The following SLC9A9 variants were observed in gnomAD, a reference collection of about 807,000 sequenced individuals.
SLC9A9 encodes the protein sodium/hydrogen exchanger 9.
In SLC9A9, 62 loss-of-function variants were observed where a neutral mutation model predicts 77.8. The observed-to-expected ratio is 0.80, with a 90% CI of 0.65 to 0.98. The LOEUF (loss-of-function observed/expected upper bound fraction) is 0.98, where lower values mean the gene tolerates loss of function less well. Among genes scored for constraint, SLC9A9 ranks in the 50% least tolerant of loss-of-function variants. The pLI is 0.00. For synonymous variants in SLC9A9, 320 were observed against 283.5 expected (o/e 1.13, Z -1.29); for missense variants, 775 against 774.9 (o/e 1.00, Z 0.00).
chr3:143,424,470 G>T (rs965039896), intron 12 of SLC9A9, among the ~76,000 whole-genome samples: 2 of 151,722 alleles, frequency 1.3e-5, no homozygotes, highest in African/African-American at 4.8e-5. Context: ...GTAGAGACGG[G>T]GTTTCACTGT....
At chr3:143,698,934 G>A (rs1933718328) in intron 4 of SLC9A9, among the ~76,000 whole-genome samples, 1 of 152,214 alleles carries the variant, frequency 6.6e-6, no homozygotes, top group African/African-American at 2.4e-5. Context: ...TGTGCTGGAA[G>A]CAACATGAAA....
intron 4 of SLC9A9, among the ~76,000 whole-genome samples, chr3:143,768,184 C>T (rs80058431): frequency 0.032 from 4,863 of 152,160 alleles, 281 homozygotes; most frequent in African/African-American, 0.11. Flanking sequence ...TCAGGGGCTC[C>T]TCACTCTCAT....
chr3:143,684,242 T>C (rs566958739), intron 5 of SLC9A9, among the ~76,000 whole-genome samples: 1 of 152,138 alleles, frequency 6.6e-6, no homozygotes, highest in African/African-American at 2.4e-5. Flanking sequence ...TCTGTGATGA[T>C]CTAGTCATTA....
intron 12 of SLC9A9, among the ~76,000 whole-genome samples, chr3:143,397,587 A>T (rs993549445): frequency 6.6e-6 from 1 of 152,190 alleles, no homozygotes; most frequent in Non-Finnish European, 1.5e-5. Context: ...TGATGCCAGA[A>T]GTGCATCTCC....
At chr3:143,268,348 TA>T (rs1175208702) in intron 15 of SLC9A9, among the ~76,000 whole-genome samples, 2 of 152,146 alleles carry the variant, frequency 1.3e-5, no homozygotes, top group African/African-American at 4.8e-5. Context: ...ATTTTATGGT[TA>T]AAAATATTGG....
At chr3:143,550,726 T>C (rs955691705) in intron 9 of SLC9A9, among the ~76,000 whole-genome samples, 1 of 152,182 alleles carries the variant, frequency 6.6e-6, no homozygotes, top group Non-Finnish European at 1.5e-5. Context: ...AGGTATGTGA[T>C]CAATAAATGA....
intron 13 of SLC9A9, among the ~76,000 whole-genome samples, chr3:143,370,321 A>G (rs955928542): frequency 6.6e-6 from 1 of 152,168 alleles, no homozygotes; most frequent in African/African-American, 2.4e-5. Flanking sequence ...CATTTGTGGT[A>G]TAGAAGACAT....
chr3:143,537,301 AC>A (rs2036606204), intron 9 of SLC9A9, among the ~76,000 whole-genome samples: 1 of 152,220 alleles, frequency 6.6e-6, no homozygotes, highest in Non-Finnish European at 1.5e-5. Flanking sequence ...TCTAACATGC[AC>A]CCAGGATTGA....
intron 14 of SLC9A9, among the ~76,000 whole-genome samples, chr3:143,322,408 G>C (rs1212400900): frequency 1.3e-5 from 2 of 152,134 alleles, no homozygotes; most frequent in Non-Finnish European, 2.9e-5. Context: ...GGCTCACCTG[G>C]TTTTCAGAAC....
chr3:143,310,830 T>G (rs1391079613), intron 14 of SLC9A9, among the ~76,000 whole-genome samples: 1 of 152,166 alleles, frequency 6.6e-6, no homozygotes, highest in East Asian at 1.9e-4. Flanking sequence ...TGGTCATAAT[T>G]TTTGTGAACA....
At chr3:143,506,833 G>A (rs2036026424) in intron 9 of SLC9A9, among the ~76,000 whole-genome samples, 1 of 152,016 alleles carries the variant, frequency 6.6e-6, no homozygotes, top group Non-Finnish European at 1.5e-5. Flanking sequence ...CTGTGGTTTT[G>A]CCAATAAGTA....
intron 6 of SLC9A9, among the ~76,000 whole-genome samples, chr3:143,640,237 A>G (rs1374754125): frequency 1.3e-5 from 2 of 151,954 alleles, no homozygotes; most frequent in African/African-American, 2.4e-5. Context: ...TAGCCAGGAC[A>G]GTCTCAATTT....
intron 6 of SLC9A9, among the ~76,000 whole-genome samples, chr3:143,595,254 C>A (rs1176764648): frequency 5.3e-5 from 8 of 152,120 alleles, no homozygotes; most frequent in Non-Finnish European, 8.8e-5. Flanking sequence ...AATCATATTT[C>A]TTTTGGCTTC....
At chr3:143,502,986 C>A (rs2035950465) in intron 9 of SLC9A9, among the ~76,000 whole-genome samples, 1 of 152,086 alleles carries the variant, frequency 6.6e-6, no homozygotes, top group African/African-American at 2.4e-5. Flanking sequence ...TTTATTCCTG[C>A]ATTGGGGAAT....
chr3:143,380,377 A>G (rs972408722), intron 13 of SLC9A9, among the ~76,000 whole-genome samples: 2 of 141,036 alleles, frequency 1.4e-5, no homozygotes, highest in African/African-American at 4.9e-5. Flanking sequence ...AGAAGAAGAC[A>G]GAGAATTTTA....
chr3:143,316,481 T>TC (rs1441288789), intron 14 of SLC9A9, among the ~76,000 whole-genome samples: 2 of 152,222 alleles, frequency 1.3e-5, no homozygotes, highest in Non-Finnish European at 2.9e-5. Flanking sequence ...AGAGGATCTC[T>TC]GCTATATTGT....
chr3:143,652,909 T>C (rs2038824848), intron 5 of SLC9A9, among the ~76,000 whole-genome samples: 1 of 151,936 alleles, frequency 6.6e-6, no homozygotes, highest in African/African-American at 2.4e-5. Flanking sequence ...CCTGGCTCAC[T>C]CCTTTCTGGA....
chr3:143,656,099 G>C (rs1215587144), intron 5 of SLC9A9, among the ~76,000 whole-genome samples: 1 of 152,174 alleles, frequency 6.6e-6, no homozygotes, highest in Non-Finnish European at 1.5e-5. Flanking sequence ...AAGATCATCT[G>C]CTGAGAGTCA....
At chr3:143,633,583 GTGTATAAA>G (rs1372434377) in intron 6 of SLC9A9, among the ~76,000 whole-genome samples, 1 of 152,034 alleles carries the variant, frequency 6.6e-6, no homozygotes, top group African/African-American at 2.4e-5. Context: ...CAATGATACA[GTGTATAAA>G]TATCTTTGTT....
Sources: gnomAD v4.1 joint callset for allele counts (sites outside exome capture counted in the v4.1 genomes callset) on GRCh38, gnomAD v4.1.1 for gene constraint, MANE v1.5 for transcripts, NCBI Gene and HGNC (gene_info 2026-07-23, HGNC 2026-07-21) for gene names.